Variants in THSD7B observed in about 807,000 individuals in gnomAD.
THSD7B encodes thrombospondin type-1 domain-containing protein 7B.
In THSD7B, 138 loss-of-function variants were observed where a neutral mutation model predicts 213.6. The ratio of observed to expected loss-of-function variants is 0.65; its 90% CI spans 0.56 to 0.74. The LOEUF (loss-of-function observed/expected upper bound fraction) is 0.74, where lower values mean the gene tolerates loss of function less well. Among genes scored for constraint, THSD7B ranks in the 30% least tolerant of loss-of-function variants. The pLI is 0.00. For synonymous variants in THSD7B, 742 were observed against 687.0 expected (o/e 1.08, Z -1.25); for missense variants, 1,931 against 1,991.5 (o/e 0.97, Z 0.58).
intron 3 of THSD7B, among the ~76,000 whole-genome samples, chr2:137,091,652 A>G (rs1456578167): frequency 6.6e-6 from 1 of 152,068 alleles, no homozygotes; most frequent in East Asian, 1.9e-4. Context: ...CTGTGTCTTC[A>G]CATGGTCTTT....
rs184809615 is a variant in THSD7B at position 137,510,376 on chromosome 2, G to A, written c.3139-52845G>A. Among the ~76,000 whole-genome samples, 181 of 151,920 alleles carry A rather than the reference G, an allele frequency of 1.2e-3. 1 individual carries two copies. Among genetic ancestry groups the A allele is most frequent in the African/African-American group, 3.9e-3 (163 of 41,436 alleles). ...AAATGTGGGAATTTTGCACAAGTAC[G>A]GGTCCATTTTCCCCCATTATTTTTG... On this transcript the variant is annotated intron_variant, in intron 15 of 27. Transcript: ENST00000409968.
chr2:137,088,257 ATAAAAT>A (rs945122416), intron 3 of THSD7B, among the ~76,000 whole-genome samples: 9 of 152,074 alleles, frequency 5.9e-5, no homozygotes, highest in South Asian at 2.1e-4. Flanking sequence ...TAAAAAAAAA[ATAAAAT>A]TAAATTTAAA....
At chr2:136,787,623 GT>G (rs1681889802) in intron 1 of THSD7B, among the ~76,000 whole-genome samples, 2 of 152,246 alleles carry the variant, frequency 1.3e-5, no homozygotes, top group South Asian at 4.1e-4. Context: ...GGAATATGAA[GT>G]TTTTCTTGGC....
chr2:137,489,379 G>A (rs1248237918), intron 15 of THSD7B, among the ~76,000 whole-genome samples: 2 of 150,012 alleles, frequency 1.3e-5, no homozygotes, highest in South Asian at 2.1e-4. Context: ...AGCCAAGATC[G>A]CACCATGGCA....
chr2:137,551,915 C>G lies in THSD7B; in HGVS notation c.3139-11306C>G, dbSNP rs573152239. 1.3e-4 allele frequency among the ~76,000 whole-genome samples: 20 copies of G among 152,156 alleles called. No homozygotes were observed. In the East Asian group the frequency reaches 3.7e-3, roughly 28 times the overall value. On this transcript the variant is annotated intron_variant, in intron 15 of 27. Transcript: ENST00000409968. ...TCAAGAGGGGTAACTGACCCAGGACCACTGGACCTAGGATCTCCAGAGATA... is the reference window on the plus strand; with the variant it reads ...TCAAGAGGGGTAACTGACCCAGGACGACTGGACCTAGGATCTCCAGAGATA...
chr2:137,364,334 C>A (rs1387414831), intron 12 of THSD7B, among the ~76,000 whole-genome samples: 1 of 152,172 alleles, frequency 6.6e-6, no homozygotes, highest in African/African-American at 2.4e-5. Flanking sequence ...AAAACTGGCA[C>A]AAGACATGGA....
chr2:137,140,570 G>T lies in THSD7B; in HGVS notation c.1370-19643G>T, dbSNP rs186786686. ...AGCTATCCAGTTTCTTCATTTTCCT[G>T]CCAGTTCTAAATATTTTCATTATTC... On this transcript the variant is annotated intron_variant, in intron 5 of 27. Transcript: ENST00000409968. Among the ~76,000 whole-genome samples, 326 of 146,694 alleles carry T rather than the reference G, an allele frequency of 2.2e-3. 1 individual carries two copies. The highest frequency in any genetic ancestry group is 7.4e-3 in the African/African-American group (301 of 40,616).
At position 137,483,934 on chromosome 2, in the gene THSD7B, ACAT is replaced by A. The variant is rs1688364366; in HGVS notation, c.3138+32915_3138+32917del. 2.6e-5 allele frequency among the ~76,000 whole-genome samples: 4 copies of A among 152,316 alleles called. No homozygotes were observed. The South Asian group carries it at 8.3e-4, about 32-fold the overall frequency. On this transcript the variant is annotated intron_variant, in intron 15 of 27. Transcript: ENST00000409968. Reference sequence around the variant, plus strand: ...AGCTTGGATGGCTGGTAGGATGCTAACATCATTAGTGGACAGAGAACACCTTGA... The same window carrying A: ...AGCTTGGATGGCTGGTAGGATGCTAACATTAGTGGACAGAGAACACCTTGA...
chr2:136,969,072 TA>T (rs1250357001), intron 2 of THSD7B, among the ~76,000 whole-genome samples: 1 of 152,182 alleles, frequency 6.6e-6, no homozygotes, highest in Non-Finnish European at 1.5e-5. Context: ...CTTGAGTTCA[TA>T]AAAAGATGTC....
chr2:137,419,164 TCCCAAAGTGCTGGGTTTATAGGCATGAA>T (rs1162212598), intron 14 of THSD7B, among the ~76,000 whole-genome samples: 1 of 151,792 alleles, frequency 6.6e-6, no homozygotes, highest in Non-Finnish European at 1.5e-5. Flanking sequence ...CCTGTTGGCT[TCCCAAAGTGCTGGGTTTATAGGCATGAA>T]CCACCATGCC....
Position 137,676,350 on chromosome 2 carries a change from T to TAACA in THSD7B, c.4740-169_4740-166dup, listed in dbSNP as rs141376867. Among the ~76,000 whole-genome samples the TAACA allele has an allele frequency of 4.0e-3, 614 of 152,318 alleles. 8 individuals are homozygous for TAACA. The highest frequency in any genetic ancestry group is 0.024 in the Middle Eastern group (7 of 294). On this transcript the variant is annotated intron_variant, in intron 27 of 27. Transcript: ENST00000409968. The stretch of plus-strand genomic sequence containing the variant: ...ATTGTGAAAAATGATGGCTTCTCCT[T>TAACA]AACAAACAGAGGGTGAAAGCATTCA...
intron 5 of THSD7B, among the ~76,000 whole-genome samples, chr2:137,124,696 T>C (rs1688602826): frequency 1.3e-5 from 2 of 152,208 alleles, no homozygotes; most frequent in South Asian, 2.1e-4. Flanking sequence ...TTATTCTTTT[T>C]AGATCTGCTT....
chr2:136,925,967 G>T (rs980278505), intron 2 of THSD7B, among the ~76,000 whole-genome samples: 1 of 152,080 alleles, frequency 6.6e-6, no homozygotes, highest in Non-Finnish European at 1.5e-5. Context: ...TCCTCTAAAA[G>T]TACACAACTG....
At chr2:136,972,766 A>G (rs933244095) in intron 2 of THSD7B, among the ~76,000 whole-genome samples, 9 of 152,202 alleles carry the variant, frequency 5.9e-5, no homozygotes, top group African/African-American at 2.2e-4. Flanking sequence ...GTTGCATCAC[A>G]TATGAATCAC....
intron 7 of THSD7B, among the ~76,000 whole-genome samples, chr2:137,210,087 C>T (rs1364520033): frequency 2.6e-5 from 4 of 152,094 alleles, no homozygotes; most frequent in African/African-American, 9.7e-5. Flanking sequence ...AAGACTGACA[C>T]CTTCATCTTG....
intron 5 of THSD7B, among the ~76,000 whole-genome samples, chr2:137,140,683 G>A (rs1021925188): frequency 4.0e-5 from 6 of 151,890 alleles, no homozygotes; most frequent in Admixed American, 1.3e-4. Flanking sequence ...TTTATTCATC[G>A]AACAAATACT....
intron 2 of THSD7B, among the ~76,000 whole-genome samples, chr2:137,052,596 AG>A: frequency 6.6e-6 from 1 of 152,214 alleles, no homozygotes; most frequent in South Asian, 2.1e-4. Flanking sequence ...ATAAATGTAA[AG>A]GTAATATTCT....
chr2:137,086,953 A>G (rs533522823), intron 3 of THSD7B, among the ~76,000 whole-genome samples: 18 of 152,350 alleles, frequency 1.2e-4, no homozygotes, highest in African/African-American at 3.8e-4. Flanking sequence ...AGGAGGTTCA[A>G]TACATCATCC....
intron 15 of THSD7B, among the ~76,000 whole-genome samples, chr2:137,494,250 C>T (rs1042879148): frequency 2.0e-5 from 3 of 151,864 alleles, no homozygotes; most frequent in African/African-American, 7.3e-5. Context: ...ATGATCAGAC[C>T]CCCTCTATTT....
Sources: allele counts gnomAD v4.1 joint callset (sites outside exome capture counted in the v4.1 genomes callset), GRCh38; gene constraint gnomAD v4.1.1; transcripts MANE v1.5; gene names NCBI Gene and HGNC (gene_info 2026-07-23, HGNC 2026-07-21).